Variants in EDA observed in about 807,000 individuals in gnomAD.
EDA encodes ectodysplasin-A.
EDA carries 2 observed loss-of-function variants against 23.6 expected under a neutral mutation model. That is an observed-to-expected ratio of 0.08 (90% CI 0.03 to 0.27). The LOEUF is 0.27. EDA is among the 10% of genes least tolerant of loss of function. EDA has a pLI of 1.00. For synonymous variants in EDA, 131 were observed against 132.0 expected (o/e 0.99, Z 0.05); for missense variants, 229 against 324.2 (o/e 0.71, Z 2.26).
intron 2 of EDA, among the ~76,000 whole-genome samples, chrX:69,975,526 G>C (rs1266597731): frequency 9.0e-6 from 1 of 111,022 alleles, no homozygotes; most frequent in Non-Finnish European, 1.9e-5. Context: ...TGGGTACTAT[G>C]CTCACTATCT....
At chrX:69,979,735 ATTAT>A (rs1157333034) in intron 2 of EDA, among the ~76,000 whole-genome samples, 1 of 111,294 alleles carries the variant, frequency 9.0e-6, no homozygotes, top group Non-Finnish European at 1.9e-5. Context: ...CTTCAAGCAG[ATTAT>A]TTGTCTTTTT....
At chrX:70,034,177 A>G (rs1168651316) in intron 7 of EDA, among the ~76,000 whole-genome samples, 6 of 111,095 alleles carry the variant, frequency 5.4e-5, no homozygotes, top group East Asian at 5.6e-4. Flanking sequence ...GTTTGCCTCC[A>G]TGGGAGTGGC....
intron 1 of EDA, among the ~76,000 whole-genome samples, chrX:69,830,548 C>T (rs968432446): frequency 9.0e-6 from 1 of 111,318 alleles, no homozygotes; most frequent in African/African-American, 3.3e-5. Flanking sequence ...TGCATAGGTG[C>T]CACATGAGAT....
intron 2 of EDA, among the ~76,000 whole-genome samples, chrX:69,989,988 C>A (rs1268528845): frequency 2.1e-5 from 2 of 97,102 alleles, no homozygotes; most frequent in Non-Finnish European, 4.1e-5. Context: ...TTCATTGAAG[C>A]ATTCTTATGA....
At chrX:69,700,245 G>T (rs763628514) in intron 1 of EDA, among the ~76,000 whole-genome samples, 1 of 111,427 alleles carries the variant, frequency 9.0e-6, no homozygotes, top group African/African-American at 3.3e-5. Flanking sequence ...ATGAGCAAGG[G>T]CCTGCCCAAA....
chrX:69,859,606 G>A (rs748656038), intron 1 of EDA, among the ~76,000 whole-genome samples: 1 of 109,691 alleles, frequency 9.1e-6, no homozygotes, highest in Admixed American at 9.8e-5. Context: ...TATGATTTCG[G>A]TTCTTTGGCA....
At chrX:69,918,728 A>G (rs1251797759) in intron 1 of EDA, among the ~76,000 whole-genome samples, 1 of 111,735 alleles carries the variant, frequency 8.9e-6, no homozygotes, top group African/African-American at 3.3e-5. Context: ...TTGAAAAAAA[A>G]TCTCTGGGAA....
intron 4 of EDA, among the ~76,000 whole-genome samples, chrX:70,028,726 G>C (rs1316770493): frequency 8.9e-6 from 1 of 112,775 alleles, no homozygotes; most frequent in Non-Finnish European, 1.9e-5. Flanking sequence ...AGCCCTGAAG[G>C]GCATCCGAAA....
chrX:69,978,449 G>C (rs1340946225), intron 2 of EDA, among the ~76,000 whole-genome samples: 1 of 97,211 alleles, frequency 1.0e-5, no homozygotes, highest in Non-Finnish European at 2.0e-5. Flanking sequence ...GTTGCAGTGA[G>C]CTGAAGTTGC....
intron 1 of EDA, among the ~76,000 whole-genome samples, chrX:69,793,995 A>G (rs1281527623): frequency 9.0e-6 from 1 of 111,555 alleles, no homozygotes; most frequent in East Asian, 2.8e-4. Context: ...CAGGCTTACT[A>G]TTTGAGCTTG....
chrX:69,638,425 A>G (rs1052169560), intron 1 of EDA, among the ~76,000 whole-genome samples: 1 of 111,997 alleles, frequency 8.9e-6, no homozygotes, highest in East Asian at 2.8e-4. Context: ...TTTAAAAAGA[A>G]CTTCCTAATA....
chrX:69,688,465 T>C (rs1174257694), intron 1 of EDA, among the ~76,000 whole-genome samples: 1 of 111,333 alleles, frequency 9.0e-6, no homozygotes, highest in Admixed American at 9.5e-5. Flanking sequence ...CAATGGCATG[T>C]TCTTGACTCA....
rs1183880360 is a variant in EDA, at chrX:69,968,674, T to C, written c.502+11542T>C. On this transcript the variant is annotated intron_variant, in intron 2 of 7. Coordinates refer to ENST00000374552, the MANE Select transcript of EDA (RefSeq NM_001399.5). ...AGCACAATTCTTCCTTGCTAATAAATATAAAATGTAAGCCATGTATAATGG... is the reference window on the plus strand; with the variant it reads ...AGCACAATTCTTCCTTGCTAATAAACATAAAATGTAAGCCATGTATAATGG... Among the ~76,000 whole-genome samples, 3 of 112,363 alleles carry C rather than the reference T, an allele frequency of 2.7e-5. No homozygotes were observed. In the East Asian group the frequency reaches 8.4e-4, roughly 32 times the overall value.
chrX:70,023,174 G>A, intron 2 of EDA, 44 bp from the exon 3 acceptor site: 1 of 916,085 alleles, frequency 1.1e-6, no homozygotes, highest in Non-Finnish European at 1.6e-6. Flanking sequence ...AACATTTTCT[G>A]TTCATTTCCA....
chrX:69,658,099 A>G (rs1933372220), intron 1 of EDA, among the ~76,000 whole-genome samples: 1 of 110,874 alleles, frequency 9.0e-6, no homozygotes, highest in African/African-American at 3.3e-5. Context: ...CTAGCCCATG[A>G]GCATGGAATG....
At chrX:69,668,025 C>T (rs1933749410) in intron 1 of EDA, among the ~76,000 whole-genome samples, 1 of 112,252 alleles carries the variant, frequency 8.9e-6, no homozygotes, top group Middle Eastern at 4.2e-3. Flanking sequence ...ATCACTGTTG[C>T]ATTGGGGACT....
chrX:69,889,482 A>G (rs887060724), intron 1 of EDA, among the ~76,000 whole-genome samples: 1 of 110,969 alleles, frequency 9.0e-6, no homozygotes, highest in African/African-American at 3.3e-5. Context: ...TAGTCTTCCA[A>G]TTGGTGTGAA....
chrX:69,706,788 G>C (rs769015340), intron 1 of EDA, among the ~76,000 whole-genome samples: 1 of 111,345 alleles, frequency 9.0e-6, no homozygotes, highest in African/African-American at 3.3e-5. Flanking sequence ...CAGGTAGCAG[G>C]CTTCAGAGAG....
At chrX:69,726,253 C>T (rs1184330470) in intron 1 of EDA, among the ~76,000 whole-genome samples, 1 of 112,126 alleles carries the variant, frequency 8.9e-6, no homozygotes, top group South Asian at 3.7e-4. Context: ...TTAAGCAGAG[C>T]TTTCATCAAT....
Sources: allele counts gnomAD v4.1 joint callset (sites outside exome capture counted in the v4.1 genomes callset), GRCh38; gene constraint gnomAD v4.1.1; transcripts MANE v1.5; gene names NCBI Gene and HGNC (gene_info 2026-07-23, HGNC 2026-07-21).